The following CNTNAP2 variants were observed in gnomAD, a reference collection of about 807,000 sequenced individuals.
CNTNAP2 encodes the protein contactin-associated protein-like 2.
In CNTNAP2, 98 loss-of-function variants were observed where a neutral mutation model predicts 155.2. That is an observed-to-expected ratio of 0.63 (90% confidence interval 0.54 to 0.75). The LOEUF is 0.75. CNTNAP2 is among the 30% of genes least tolerant of loss of function. The pLI is 0.00. For missense variants in CNTNAP2, 1,727 were observed against 1,688.1 expected (o/e 1.02, Z -0.40); for synonymous variants, 651 against 631.2 (o/e 1.03, Z -0.47).
intron 1 of CNTNAP2, among the ~76,000 whole-genome samples, chr7:146,360,032 G>T (rs1387400084): frequency 6.6e-6 from 1 of 152,148 alleles, no homozygotes; most frequent in Non-Finnish European, 1.5e-5. Context: ...ATAAAATAAA[G>T]TACACCTCAG....
At chr7:147,753,186 C>T (rs1401457480) in intron 13 of CNTNAP2, among the ~76,000 whole-genome samples, 1 of 152,158 alleles carries the variant, frequency 6.6e-6, no homozygotes, top group Non-Finnish European at 1.5e-5. Flanking sequence ...GCTGATTACC[C>T]ATCAGAGAAG....
At chr7:146,759,711 A>AATG in intron 1 of CNTNAP2, among the ~76,000 whole-genome samples, 1 of 60,766 alleles carries the variant, frequency 1.6e-5, no homozygotes, top group Non-Finnish European at 3.2e-5. Context: ...AAAAAAAAAA[A>AATG]GGTGGGTGGG....
At chr7:146,757,916 T>C (rs1028744209) in intron 1 of CNTNAP2, among the ~76,000 whole-genome samples, 4 of 152,212 alleles carry the variant, frequency 2.6e-5, no homozygotes, top group Non-Finnish European at 5.9e-5. Context: ...CCATTTCCTA[T>C]TTACTTCTGA....
chr7:146,461,420 A>T (rs979283755), intron 1 of CNTNAP2, among the ~76,000 whole-genome samples: 2 of 150,748 alleles, frequency 1.3e-5, no homozygotes, highest in Non-Finnish European at 3.0e-5. Context: ...AAAAAAATAT[A>T]ATAATAATAA....
intron 20 of CNTNAP2, among the ~76,000 whole-genome samples, chr7:148,256,124 G>A (rs1047690904): frequency 2.6e-5 from 4 of 152,122 alleles, no homozygotes; most frequent in Admixed American, 6.5e-5. Flanking sequence ...CTTGTTATAC[G>A]GTCTGGATCT....
intron 1 of CNTNAP2, among the ~76,000 whole-genome samples, chr7:146,350,339 A>G (rs1395877474): frequency 2.6e-5 from 4 of 152,122 alleles, no homozygotes; most frequent in Non-Finnish European, 5.9e-5. Flanking sequence ...CAAGAAAAAA[A>G]CAAACAACCC....
intron 15 of CNTNAP2, among the ~76,000 whole-genome samples, chr7:148,016,582 G>A (rs903814390): frequency 2.0e-5 from 3 of 152,218 alleles, no homozygotes; most frequent in African/African-American, 7.2e-5. Context: ...AAGAGAAACT[G>A]CTTGCTTAAA....
intron 1 of CNTNAP2, among the ~76,000 whole-genome samples, chr7:146,697,198 T>C (rs1453735028): frequency 6.6e-6 from 1 of 152,186 alleles, no homozygotes; most frequent in Non-Finnish European, 1.5e-5. Context: ...ATAAGGATTA[T>C]TCTGTTTCAT....
At chr7:146,308,402 T>G (rs1326158046) in intron 1 of CNTNAP2, among the ~76,000 whole-genome samples, 3 of 152,154 alleles carry the variant, frequency 2.0e-5, no homozygotes, top group Non-Finnish European at 4.4e-5. Context: ...AGTTCAACCA[T>G]TGTGGAAGAC....
chr7:147,959,237 G>C (rs1419391776), intron 14 of CNTNAP2, among the ~76,000 whole-genome samples: 1 of 152,010 alleles, frequency 6.6e-6, no homozygotes, highest in African/African-American at 2.4e-5. Flanking sequence ...TGCACATTCA[G>C]GTTTTCCAGT....
chr7:146,238,245 A>G (rs1016612914), intron 1 of CNTNAP2, among the ~76,000 whole-genome samples: 1 of 152,204 alleles, frequency 6.6e-6, no homozygotes, highest in South Asian at 2.1e-4. Context: ...TTTAGGAAAT[A>G]GGAATCAGGA....
At chr7:147,085,938 G>A (rs1280490853) in intron 4 of CNTNAP2, 1 of 152,214 alleles carries the variant, frequency 6.6e-6, no homozygotes, top group Non-Finnish European at 1.5e-5. Flanking sequence ...AGCTCTGTAA[G>A]TCAAAGAGTA....
intron 1 of CNTNAP2, among the ~76,000 whole-genome samples, chr7:146,150,352 A>C (rs1798018948): frequency 6.6e-6 from 1 of 152,106 alleles, no homozygotes; most frequent in African/African-American, 2.4e-5. Flanking sequence ...AATAACTGAC[A>C]AAGTTGAGCA....
intron 10 of CNTNAP2, among the ~76,000 whole-genome samples, chr7:147,432,921 T>C (rs1797489787): frequency 6.6e-6 from 1 of 152,270 alleles, no homozygotes. Flanking sequence ...TGCATTCGCA[T>C]GGTTATTTGA....
chr7:148,040,319 C>T (rs370688899), intron 15 of CNTNAP2, among the ~76,000 whole-genome samples: 15 of 152,300 alleles, frequency 9.8e-5, no homozygotes, highest in East Asian at 1.9e-4. Flanking sequence ...CTTACAACCA[C>T]GGAGAGATCT....
At chr7:147,625,455 T>C (rs1794953382) in intron 12 of CNTNAP2, among the ~76,000 whole-genome samples, 1 of 152,262 alleles carries the variant, frequency 6.6e-6, no homozygotes, top group East Asian at 1.9e-4. Context: ...ATGTGTAATA[T>C]ACAAGTGTTA....
chr7:146,906,265 A>G (rs1218791229), intron 3 of CNTNAP2, among the ~76,000 whole-genome samples: 2 of 152,228 alleles, frequency 1.3e-5, no homozygotes, highest in Non-Finnish European at 2.9e-5. Flanking sequence ...AGGTAAACAA[A>G]GCAGCCAGGA....
At chr7:146,862,481 G>T (rs1172709323) in intron 3 of CNTNAP2, among the ~76,000 whole-genome samples, 1 of 151,780 alleles carries the variant, frequency 6.6e-6, no homozygotes, top group Non-Finnish European at 1.5e-5. Context: ...TGACATCTGG[G>T]CACAAAAAAA....
chr7:146,543,427 C>G (rs1405173), intron 1 of CNTNAP2, among the ~76,000 whole-genome samples: 5,018 of 151,832 alleles, frequency 0.033, 293 homozygotes, highest in African/African-American at 0.11. Flanking sequence ...CAGCCCCCTC[C>G]CATAAGTAAG....
Sources: gnomAD v4.1 joint callset for allele counts (sites outside exome capture counted in the v4.1 genomes callset) on GRCh38, gnomAD v4.1.1 for gene constraint, MANE v1.5 for transcripts, NCBI Gene and HGNC (gene_info 2026-07-23, HGNC 2026-07-21) for gene names.